The following CLIP1 variants were observed in gnomAD, a reference collection of about 807,000 sequenced individuals.
CLIP1 encodes CAP-Gly domain-containing linker protein 1.
Under a neutral mutation model 161.6 loss-of-function variants are expected in CLIP1, and 66 were observed. The ratio of observed to expected loss-of-function variants is 0.41; its 90% CI spans 0.33 to 0.50. The LOEUF (loss-of-function observed/expected upper bound fraction) is 0.50, where lower values mean the gene tolerates loss of function less well. Among genes scored for constraint, CLIP1 ranks in the 20% least tolerant of loss-of-function variants. CLIP1 has a pLI of 0.27. For missense variants in CLIP1, 1,376 were observed against 1,702.0 expected, an observed-to-expected ratio of 0.81 and a Z score of 3.37; for synonymous variants, 598 against 626.2, an observed-to-expected ratio of 0.96 and a Z score of 0.67.
intron 17 of CLIP1, among the ~76,000 whole-genome samples, chr12:122,327,409 C>G (rs1951750924): frequency 6.6e-6 from 1 of 152,138 alleles, no homozygotes; most frequent in African/African-American, 2.4e-5. Flanking sequence ...ATCCAGCTTC[C>G]TTGTCAATAA....
At chr12:122,308,041 C>T (rs942512002) in intron 20 of CLIP1, among the ~76,000 whole-genome samples, 2 of 152,176 alleles carry the variant, frequency 1.3e-5, no homozygotes, top group Non-Finnish European at 2.9e-5. Flanking sequence ...AATCACAAAA[C>T]CTTTTCAGTA....
At position 122,409,996 on chromosome 12, in the gene CLIP1, G is replaced by T. The variant is rs146125533; in HGVS notation, c.-107+12525C>A. On this transcript the variant is annotated intron_variant, in intron 1 of 25. Coordinates refer to ENST00000620786, the MANE Select transcript of CLIP1 (RefSeq NM_001247997.2). ...CGCCATTCTCCTGCCTCAGCCTCCCGAGTAGCTGGGACTACAGGCGCCTGT... is the reference window on the plus strand; with the variant it reads ...CGCCATTCTCCTGCCTCAGCCTCCCTAGTAGCTGGGACTACAGGCGCCTGT... Among the ~76,000 whole-genome samples the T allele has an allele frequency of 2.9e-3, 433 of 150,662 alleles. 1 individual carries two copies. The highest frequency in any genetic ancestry group is 0.01 in the African/African-American group (416 of 41,040).
rs183373345 is a variant in CLIP1, at chr12:122,276,353, C to T, written c.3966+1801G>A. The T allele has an allele frequency of 5.1e-4, 562 of 1,098,848 alleles. No individual in the cohort carries two copies. The African/African-American group carries it at 8.8e-3, about 17-fold the overall frequency. 68.1% of individuals were successfully genotyped at this position (1,098,848 alleles called of 1,614,324 possible). A position where few individuals can be genotyped will look rare whatever the true frequency, so the allele number is the denominator to read the frequency against. ...CTCCATTTCAGGAAGAAGAAAAAGC[C>T]ACAAAATGGACATAAGTATAGTGGG... On this transcript the variant is annotated intron_variant, in intron 24 of 25. Transcript: ENST00000620786.
At chr12:122,318,629 TCG>T (rs1951359740) in intron 18 of CLIP1, among the ~76,000 whole-genome samples, 1 of 152,122 alleles carries the variant, frequency 6.6e-6, no homozygotes, top group African/African-American at 2.4e-5. Context: ...GGTGCCTCAG[TCG>T]GCTTAGGATT....
At chr12:122,362,098 C>G (rs965851863) in intron 4 of CLIP1, among the ~76,000 whole-genome samples, 2 of 151,480 alleles carry the variant, frequency 1.3e-5, no homozygotes, top group African/African-American at 4.8e-5. Context: ...GGACTACAGG[C>G]ACACGCCACC....
chr12:122,355,388 G>A lies in CLIP1; in HGVS notation c.1006-76C>T, dbSNP rs938344201. On this transcript the variant is annotated intron_variant, in intron 5 of 25. Coordinates refer to ENST00000620786, the MANE Select transcript of CLIP1 (RefSeq NM_001247997.2). This position sits in a 1 kb window ranked among gnomAD's most constrained non-coding sequence, Gnocchi z 4.1. ...GAGGGAGGCGCGATGCATGCATGGC[G>A]GGCATCTGCTCGGCAAAGCAAGGGC... The A allele has an allele frequency of 2.9e-5, 39 of 1,359,156 alleles. No individual in the cohort carries two copies. The highest frequency in any genetic ancestry group is 2.7e-4 in the South Asian group (21 of 78,520). The allele number at this position is 1,359,156 out of a possible 1,614,324, so 84.2% of individuals were successfully genotyped here. A position where few individuals can be genotyped will look rare whatever the true frequency, so the allele number is the denominator to read the frequency against.
chr12:122,317,428 G>A (rs1951313344), intron 18 of CLIP1, among the ~76,000 whole-genome samples: 1 of 152,146 alleles, frequency 6.6e-6, no homozygotes, highest in Non-Finnish European at 1.5e-5. Context: ...TGGGACTGAA[G>A]GGCACTTACA....
intron 1 of CLIP1, among the ~76,000 whole-genome samples, chr12:122,417,702 CG>C (rs1956803931): frequency 6.6e-6 from 1 of 151,798 alleles, no homozygotes; most frequent in Non-Finnish European, 1.5e-5. Flanking sequence ...TTAGTAGAGA[CG>C]GGGTTTCACT....
Position 122,347,436 on chromosome 12 carries a change from T to C in CLIP1, c.1445A>G (p.Gln482Arg), listed in dbSNP as rs754811442. ...LEHARIKELE[Q>R]SLLFEKTKAD... ...TTTGGTCTTTTCAAAGAGCAGGCTC[T>C]GTTCAAGCTCCTTAATGCGGGCATG... Residue 482 changes from glutamine to arginine, a missense_variant, in exon 10 of 26, where the codon CAG becomes CGG. By Grantham distance (43) the Gln-to-Arg change is conservative (BLOSUM62 1). Coordinates refer to ENST00000620786, the MANE Select transcript of CLIP1 (RefSeq NM_001247997.2). 1.2e-6 allele frequency: 2 copies of C among 1,613,986 alleles called. No homozygotes were observed. The highest frequency in any genetic ancestry group is 1.7e-6 in the Non-Finnish European group (2 of 1,179,818).
intron 21 of CLIP1, 103 bp downstream of exon 21, chr12:122,288,386 G>C (rs1167310884): frequency 2.0e-6 from 2 of 997,198 alleles, no homozygotes; most frequent in East Asian, 5.2e-5. Context: ...GCCATTTTCT[G>C]AATCTAAGAA....
At chr12:122,332,606 A>G (rs932967133) in intron 15 of CLIP1, among the ~76,000 whole-genome samples, 2 of 151,976 alleles carry the variant, frequency 1.3e-5, no homozygotes, top group Non-Finnish European at 2.9e-5. Flanking sequence ...TTTTTAGTGG[A>G]GACAAGGTTT....
chr12:122,421,933 T>C (rs921600121), intron 1 of CLIP1, among the ~76,000 whole-genome samples: 4 of 152,238 alleles, frequency 2.6e-5, no homozygotes, highest in African/African-American at 9.6e-5. Context: ...GAGAGCGATC[T>C]GGCCACCTCC....
chr12:122,364,730 G>GCC, intron 3 of CLIP1: 1 of 586,824 alleles, frequency 1.7e-6, no homozygotes, highest in Non-Finnish European at 3.2e-6. Flanking sequence ...TAACAGAAAT[G>GCC]TTCCTGCTTC....
chr12:122,387,570 ATATATATATATATATATATATTTTT>A (rs1415990236), intron 1 of CLIP1, among the ~76,000 whole-genome samples: 51 of 9,366 alleles, frequency 5.4e-3, no homozygotes, highest in Non-Finnish European at 0.01. Context: ...ATATATATAT[ATATATATATATATATATATATTTTT>A]TTTTTTTTTT....
At chr12:122,378,289 G>A (rs374243634) in intron 2 of CLIP1, among the ~76,000 whole-genome samples, 9 of 152,198 alleles carry the variant, frequency 5.9e-5, no homozygotes, top group East Asian at 5.8e-4. Context: ...GTCTCACCAC[G>A]TTGGCCAGGC....
chr12:122,383,716 A>G (rs1955113543), intron 1 of CLIP1, among the ~76,000 whole-genome samples: 1 of 152,222 alleles, frequency 6.6e-6, no homozygotes, highest in South Asian at 2.1e-4. Flanking sequence ...CTTCAAAAAA[A>G]CAAAAGATCA....
intron 17 of CLIP1, among the ~76,000 whole-genome samples, chr12:122,325,545 G>A (rs1273601220): frequency 3.9e-5 from 6 of 152,192 alleles, no homozygotes; most frequent in Middle Eastern, 3.4e-3. Flanking sequence ...GAAGTGGCGC[G>A]ATCTCGGCTC....
chr12:122,300,074 A>G (rs973887074), intron 20 of CLIP1, among the ~76,000 whole-genome samples: 9 of 152,232 alleles, frequency 5.9e-5, no homozygotes, highest in Admixed American at 2.0e-4. Context: ...CCTGGGCATC[A>G]TAGCGAGACC....
intron 1 of CLIP1, among the ~76,000 whole-genome samples, chr12:122,416,739 A>G (rs1257195393): frequency 1.3e-5 from 2 of 152,070 alleles, no homozygotes; most frequent in African/African-American, 4.8e-5. Flanking sequence ...CATCTCTACT[A>G]AAAATATAAA....
Sources: gnomAD v4.1 joint callset for allele counts (sites outside exome capture counted in the v4.1 genomes callset) on GRCh38, gnomAD v4.1.1 for gene constraint, Gnocchi (gnomAD v3.1) non-coding constraint, MANE v1.5 for transcripts, NCBI Gene and HGNC (gene_info 2026-07-23, HGNC 2026-07-21) for gene names.